Variants in PPP3CA observed in about 807,000 individuals in gnomAD.
The protein encoded by PPP3CA is protein phosphatase 3 catalytic subunit alpha.
Under a neutral mutation model 66.5 loss-of-function variants are expected in PPP3CA, and 14 were observed. The ratio of observed to expected loss-of-function variants is 0.21; its 90% confidence interval spans 0.14 to 0.33. The LOEUF is 0.33. Ranked by LOEUF, PPP3CA falls within the 10% of genes least tolerant of loss-of-function variation. The probability of loss-of-function intolerance (pLI) is 1.00; values close to 1 mark genes in which losing one functional copy is unlikely to be tolerated. For synonymous variants in PPP3CA, 232 were observed against 226.2 expected (o/e 1.03, Z -0.23); for missense variants, 317 against 639.5 (o/e 0.50, Z 5.44).
intron 1 of PPP3CA, among the ~76,000 whole-genome samples, chr4:101,201,358 A>G (rs987303403): frequency 2.0e-5 from 3 of 152,304 alleles, no homozygotes; most frequent in Admixed American, 2.0e-4. Context: ...CACACTGAGA[A>G]TTGCTTTTTT....
intron 1 of PPP3CA, among the ~76,000 whole-genome samples, chr4:101,197,694 C>T (rs559498672): frequency 3.3e-5 from 5 of 152,160 alleles, no homozygotes; most frequent in South Asian, 2.1e-4. Context: ...TCAGAAACAA[C>T]GATAAAACTG....
At chr4:101,070,896 C>T (rs1045438573) in intron 8 of PPP3CA, among the ~76,000 whole-genome samples, 5 of 152,088 alleles carry the variant, frequency 3.3e-5, no homozygotes, top group African/African-American at 9.7e-5. Flanking sequence ...ATTTGAATTT[C>T]TTCTAGCAAA....
intron 8 of PPP3CA, among the ~76,000 whole-genome samples, chr4:101,065,409 T>C (rs1306704298): frequency 2.0e-5 from 3 of 152,094 alleles, no homozygotes; most frequent in Non-Finnish European, 2.9e-5. Flanking sequence ...TCCCCCACTT[T>C]TTATTAACCT....
chr4:101,071,129 T>A (rs1015748789), intron 8 of PPP3CA, among the ~76,000 whole-genome samples: 4 of 152,162 alleles, frequency 2.6e-5, no homozygotes, highest in Admixed American at 6.6e-5. Context: ...TCTCATTCAG[T>A]GCAGCTCCAA....
chr4:101,333,292 T>G (rs112059665), intron 1 of PPP3CA, among the ~76,000 whole-genome samples: 55 of 115,280 alleles, frequency 4.8e-4, no homozygotes, highest in African/African-American at 1.4e-3. Context: ...TTTTTTTTTT[T>G]TTTTTTTTTT....
intron 4 of PPP3CA, among the ~76,000 whole-genome samples, chr4:101,098,962 T>C (rs1730321703): frequency 6.6e-6 from 1 of 152,148 alleles, no homozygotes; most frequent in African/African-American, 2.4e-5. Flanking sequence ...TTATATCTAA[T>C]GTTTTAAGAG....
At chr4:101,300,618 A>G (rs1728343879) in intron 1 of PPP3CA, among the ~76,000 whole-genome samples, 3 of 152,094 alleles carry the variant, frequency 2.0e-5, no homozygotes. Flanking sequence ...AACACGGTGA[A>G]ACCCTCTCTC....
chr4:101,093,744 C>A (rs761532021), intron 6 of PPP3CA, 32 bp downstream of exon 6: 37 of 1,557,436 alleles, frequency 2.4e-5, no homozygotes, highest in Non-Finnish European at 1.9e-5. Flanking sequence ...ATGATGCAAA[C>A]GTGTTCCAGA....
Position 101,339,745 on chromosome 4 carries a change from C to T in PPP3CA, c.58+6994G>A, listed in dbSNP as rs1291287641. ...ATAAGCAAGGCATTGAGCTAGGGAC[C>T]AATAAGACAATGACCATTTTTTCCA... On this transcript the variant is annotated intron_variant, in intron 1 of 13. Coordinates refer to ENST00000394854, the MANE Select transcript of PPP3CA (RefSeq NM_000944.5). Among the ~76,000 whole-genome samples, 3 of 152,098 alleles carry T rather than the reference C, an allele frequency of 2.0e-5. No individual in the cohort carries two copies. In the East Asian group the frequency reaches 5.8e-4, roughly 29 times the overall value.
chr4:101,117,628 A>T (rs1253694488), intron 2 of PPP3CA, among the ~76,000 whole-genome samples: 1 of 151,772 alleles, frequency 6.6e-6, no homozygotes, highest in Non-Finnish European at 1.5e-5. Flanking sequence ...AATTATAGTC[A>T]CGGTTGTGGT....
In PPP3CA at chr4:101,077,046, G is replaced by T. The variant is rs149304921; in HGVS notation, c.955+3486C>A. Among the ~76,000 whole-genome samples the T allele has an allele frequency of 3.9e-5, 6 of 152,306 alleles. No homozygotes were observed. In the East Asian group the frequency reaches 7.7e-4, roughly 20 times the overall value. On this transcript the variant is annotated intron_variant, in intron 8 of 13. Coordinates refer to ENST00000394854, the MANE Select transcript of PPP3CA (RefSeq NM_000944.5). ...CAGAGTGAAGACACAGAGGCAGGGA[G>T]ACAGGCAGGAAGACAGTGCAGACTG...
intron 8 of PPP3CA, among the ~76,000 whole-genome samples, chr4:101,079,179 A>G (rs1039777651): frequency 6.6e-6 from 1 of 152,204 alleles, no homozygotes; most frequent in Non-Finnish European, 1.5e-5. Flanking sequence ...AAAGGTGGCC[A>G]AGGCCCATAT....
chr4:101,228,749 C>T (rs1172178223), intron 1 of PPP3CA, among the ~76,000 whole-genome samples: 2 of 151,552 alleles, frequency 1.3e-5, no homozygotes, highest in Admixed American at 1.3e-4. Context: ...TAGAAGTGAA[C>T]TCTATCCCCC....
chr4:101,046,015 T>C (rs1727748803), intron 10 of PPP3CA, among the ~76,000 whole-genome samples: 1 of 152,196 alleles, frequency 6.6e-6, no homozygotes, highest in East Asian at 1.9e-4. Flanking sequence ...GAAAGAAAAA[T>C]AGCAGCTTTG....
Position 101,205,212 on chromosome 4 carries a change from G to A in PPP3CA, c.59-9096C>T, listed in dbSNP as rs201417821. Reference sequence around the variant, plus strand: ...AAGAATAGATACTTTAAGACTAGACGAATTTATTTCTCAAGTGAGCCAGTC... The same window carrying A: ...AAGAATAGATACTTTAAGACTAGACAAATTTATTTCTCAAGTGAGCCAGTC... On this transcript the variant is annotated intron_variant, in intron 1 of 13. Coordinates refer to ENST00000394854, the MANE Select transcript of PPP3CA (RefSeq NM_000944.5). Among the ~76,000 whole-genome samples, 17 of 152,078 alleles carry A rather than the reference G, an allele frequency of 1.1e-4. No homozygotes were observed. The East Asian group carries it at 3.1e-3, about 28-fold the overall frequency.
rs149426983 is a variant in PPP3CA, at chr4:101,178,787, T to C, written c.259+17129A>G. ...CATCACTAAATCTAACATAAAACCC[T>C]CAAGTTGGTAAGTGTTCTTCACACA... On this transcript the variant is annotated intron_variant, in intron 2 of 13. Transcript: ENST00000394854. Among the ~76,000 whole-genome samples the C allele has an allele frequency of 7.2e-5, 11 of 152,190 alleles. No homozygotes were observed. In the East Asian group the frequency reaches 1.7e-3, roughly 24 times the overall value.
intron 10 of PPP3CA, among the ~76,000 whole-genome samples, chr4:101,050,595 C>T (rs1727966918): frequency 1.3e-5 from 2 of 152,124 alleles, no homozygotes; most frequent in Admixed American, 6.6e-5. Context: ...CTCTATTTGA[C>T]AGAGAATAAT....
At chr4:101,156,421 C>T (rs994486285) in intron 2 of PPP3CA, among the ~76,000 whole-genome samples, 1 of 152,204 alleles carries the variant, frequency 6.6e-6, no homozygotes, top group African/African-American at 2.4e-5. Context: ...TGGCTCCCGC[C>T]TGTAATCCCA....
chr4:101,320,900 A>C (rs910513407), intron 1 of PPP3CA, among the ~76,000 whole-genome samples: 1 of 152,238 alleles, frequency 6.6e-6, no homozygotes, highest in Admixed American at 6.5e-5. Context: ...ATCCAGGTTA[A>C]ATCCGGATCT....
Sources: allele counts gnomAD v4.1 joint callset (sites outside exome capture counted in the v4.1 genomes callset), GRCh38; gene constraint gnomAD v4.1.1; transcripts MANE v1.5; gene names NCBI Gene and HGNC (gene_info 2026-07-23, HGNC 2026-07-21).